The following ME1 variants were observed in gnomAD, a reference collection of about 807,000 sequenced individuals.
ME1 encodes NADP-dependent malic enzyme.
Under a neutral mutation model 66.4 loss-of-function variants are expected in ME1, and 74 were observed. That is an observed-to-expected ratio of 1.11 (90% CI 0.92 to 1.35). The LOEUF (loss-of-function observed/expected upper bound fraction) is 1.35, where lower values mean the gene tolerates loss of function less well. Ranked by LOEUF, ME1 falls within the 40% of genes most tolerant of loss-of-function variation. The pLI, the probability that ME1 is intolerant of heterozygous loss-of-function variation, is 0.00. For missense variants in ME1, 750 were observed against 694.1 expected, an observed-to-expected ratio of 1.08 and a Z score of -0.90; for synonymous variants, 251 against 235.6, an observed-to-expected ratio of 1.07 and a Z score of -0.60.
chr6:83,358,561 T>C (rs1451778857), intron 3 of ME1, among the ~76,000 whole-genome samples: 1 of 152,156 alleles, frequency 6.6e-6, no homozygotes, highest in Non-Finnish European at 1.5e-5. Flanking sequence ...CAATGAAAGG[T>C]GCATGCACAG....
At chr6:83,317,057 T>C (rs1294513385) in intron 5 of ME1, among the ~76,000 whole-genome samples, 1 of 152,148 alleles carries the variant, frequency 6.6e-6, no homozygotes, top group Admixed American at 6.5e-5. Context: ...CCAGGCAGAA[T>C]GCTGACTTGG....
chr6:83,419,116 C>G (rs1278843972), intron 1 of ME1, among the ~76,000 whole-genome samples: 1 of 135,080 alleles, frequency 7.4e-6, no homozygotes, highest in Non-Finnish European at 1.6e-5. Context: ...TAAGAAGTTT[C>G]AAACATTATC....
In ME1 at chr6:83,253,672, G is replaced by A. The variant is rs1490497091; in HGVS notation, c.771C>T (p.Asn257=). 6.2e-7 allele frequency: 1 copy of A among 1,612,032 alleles called. No individual in the cohort carries two copies. Reference sequence around the variant, plus strand: ...ATGTGCAATACTGGTTTCGATACTTGTTCAGGAGACGAAATGCATTCACAT... The same window carrying A: ...ATGTGCAATACTGGTTTCGATACTTATTCAGGAGACGAAATGCATTCACAT... ...FANVNAFRLL[N]KYRNQYCTFN... Residue 257 remains asparagine, a synonymous_variant, in exon 7 of 14, where the codon AAC becomes AAT. Coordinates refer to ENST00000369705, the MANE Select transcript of ME1 (RefSeq NM_002395.6).
chr6:83,301,286 T>G (rs565956913), intron 6 of ME1, among the ~76,000 whole-genome samples: 1 of 151,570 alleles, frequency 6.6e-6, no homozygotes, highest in Non-Finnish European at 1.5e-5. Context: ...CCTCCGTCCC[T>G]CCCTCCTTTC....
chr6:83,369,711 G>T (rs1769161628), intron 3 of ME1, among the ~76,000 whole-genome samples: 1 of 127,956 alleles, frequency 7.8e-6, no homozygotes. Flanking sequence ...AAGGAAGGAA[G>T]GAAGGAAGGA....
At chr6:83,354,816 C>A (rs1768859697) in intron 3 of ME1, among the ~76,000 whole-genome samples, 1 of 152,118 alleles carries the variant, frequency 6.6e-6, no homozygotes, top group African/African-American at 2.4e-5. Context: ...AGTGTGCTAG[C>A]AAGTAGTATG....
intron 6 of ME1, among the ~76,000 whole-genome samples, chr6:83,288,394 C>T (rs962577208): frequency 2.6e-5 from 4 of 152,156 alleles, no homozygotes; most frequent in African/African-American, 9.7e-5. Context: ...TTTCCCAACA[C>T]TATTTATTAA....
Position 83,245,604 on chromosome 6 carries a change from C to A in ME1, c.815-5968G>T, listed in dbSNP as rs185216726. ...TGTATTTCTAGTAGAGACGGGGTTTCTCCATGTTGGTCAGGCTGGTCTTGA... is the reference window on the plus strand; with the variant it reads ...TGTATTTCTAGTAGAGACGGGGTTTATCCATGTTGGTCAGGCTGGTCTTGA... On this transcript the variant is annotated intron_variant, in intron 7 of 13. Transcript: ENST00000369705. Among the ~76,000 whole-genome samples, 645 of 152,216 alleles carry A rather than the reference C, an allele frequency of 4.2e-3. 4 individuals are homozygous for A. The highest frequency in any genetic ancestry group is 6.8e-3 in the Middle Eastern group (2 of 294).
intron 12 of ME1, among the ~76,000 whole-genome samples, chr6:83,221,532 G>T (rs147586561): frequency 6.6e-6 from 1 of 152,136 alleles, no homozygotes. Flanking sequence ...GCTTGGAAAG[G>T]GGGTATCACT....
intron 5 of ME1, among the ~76,000 whole-genome samples, chr6:83,327,479 C>T (rs565760964): frequency 6.6e-6 from 1 of 152,314 alleles, no homozygotes; most frequent in African/African-American, 2.4e-5. Context: ...GCACACCTGT[C>T]TCTTATGGTT....
At chr6:83,368,307 A>G (rs373441864) in intron 3 of ME1, among the ~76,000 whole-genome samples, 1 of 151,944 alleles carries the variant, frequency 6.6e-6, no homozygotes, top group East Asian at 1.9e-4. Flanking sequence ...AAGTGAACAC[A>G]TGCTATTGGA....
chr6:83,291,433 TG>T (rs1322454791), intron 6 of ME1, among the ~76,000 whole-genome samples: 2 of 152,246 alleles, frequency 1.3e-5, no homozygotes, highest in Non-Finnish European at 2.9e-5. Flanking sequence ...GCTTTAAGAA[TG>T]TTGAATATTG....
chr6:83,266,788 G>C (rs1766997650), intron 6 of ME1, among the ~76,000 whole-genome samples: 1 of 152,120 alleles, frequency 6.6e-6, no homozygotes, highest in South Asian at 2.1e-4. Flanking sequence ...GCAATAATTA[G>C]TTGATTTAAT....
At chr6:83,221,507 T>C (rs1790091283) in intron 12 of ME1, among the ~76,000 whole-genome samples, 1 of 152,168 alleles carries the variant, frequency 6.6e-6, no homozygotes, top group African/African-American at 2.4e-5. Flanking sequence ...GTCAAGCTTC[T>C]AAGCTTTGCT....
At chr6:83,376,777 C>T (rs1424198142) in intron 3 of ME1, among the ~76,000 whole-genome samples, 1 of 134,834 alleles carries the variant, frequency 7.4e-6, no homozygotes. Context: ...AACTCCAGCC[C>T]AGGCGACAGA....
chr6:83,316,838 C>T (rs1427925924), intron 5 of ME1, among the ~76,000 whole-genome samples: 1 of 151,574 alleles, frequency 6.6e-6, no homozygotes, highest in African/African-American at 2.4e-5. Flanking sequence ...GCCCAAAATG[C>T]AAAATTCATA....
chr6:83,331,558 C>A (rs1434254387), intron 5 of ME1, among the ~76,000 whole-genome samples: 9 of 150,064 alleles, frequency 6.0e-5, no homozygotes, highest in African/African-American at 2.2e-4. Flanking sequence ...TGCACTCCAG[C>A]CTGGGCAACA....
At chr6:83,409,165 C>T (rs1403717618) in intron 1 of ME1, among the ~76,000 whole-genome samples, 1 of 152,140 alleles carries the variant, frequency 6.6e-6, no homozygotes, top group Non-Finnish European at 1.5e-5. Context: ...GTTGGACTTC[C>T]CAGCCTCCAG....
At chr6:83,237,267 GAAAGAAA>G (rs1366386834) in intron 9 of ME1, among the ~76,000 whole-genome samples, 2 of 84,368 alleles carry the variant, frequency 2.4e-5, no homozygotes, top group African/African-American at 5.5e-5. Flanking sequence ...AAGAAAGAAA[GAAAGAAA>G]GAAAGGAAGG....
Sources: gnomAD v4.1 joint callset for allele counts (sites outside exome capture counted in the v4.1 genomes callset) on GRCh38, gnomAD v4.1.1 for gene constraint, MANE v1.5 for transcripts, NCBI Gene and HGNC (gene_info 2026-07-23, HGNC 2026-07-21) for gene names.